The following CLCN7 variants were observed in gnomAD, a reference collection of about 807,000 sequenced individuals.
CLCN7 encodes the protein H(+)/Cl(-) exchange transporter 7.
In CLCN7, 60 loss-of-function variants were observed where a neutral mutation model predicts 102.1. The ratio of observed to expected loss-of-function variants is 0.59; its 90% confidence interval spans 0.48 to 0.73. The LOEUF is 0.73. CLCN7 is among the 30% of genes least tolerant of loss of function. CLCN7 has a pLI of 0.00. For missense variants in CLCN7, 962 were observed against 1,125.7 expected, an observed-to-expected ratio of 0.85 and a Z score of 2.08; for synonymous variants, 560 against 490.5, an observed-to-expected ratio of 1.14 and a Z score of -1.87.
chr16:1,461,035 C>G, intron 4 of CLCN7, 87 bp from the exon 5 acceptor site: 1 of 1,528,928 alleles, frequency 6.5e-7, no homozygotes, highest in Non-Finnish European at 8.8e-7. Context: ...CGCCTGCAGG[C>G]CCCGGGATTA....
intron 1 of CLCN7, chr16:1,474,502 G>C (rs1418331363): frequency 5.9e-6 from 2 of 338,704 alleles, no homozygotes; most frequent in East Asian, 1.7e-4. Flanking sequence ...ACCCCTTTAG[G>C]GCCAGTCTGG....
At position 1,457,594 on chromosome 16, in the gene CLCN7, A is replaced by G. The variant is rs1336992943; in HGVS notation, c.738+100T>C. 1.7e-6 allele frequency: 2 copies of G among 1,210,184 alleles called. No homozygotes were observed. The highest frequency in any genetic ancestry group is 4.8e-5 in the East Asian group (2 of 41,314). The allele number at this position is 1,210,184 out of a possible 1,614,324, so 75.0% of individuals were successfully genotyped here. A position where few individuals can be genotyped will look rare whatever the true frequency, so the allele number is the denominator to read the frequency against. On this transcript the variant is annotated intron_variant, in intron 8 of 24. Transcript: ENST00000382745. This position sits in a 1 kb window ranked among gnomAD's most constrained non-coding sequence, Gnocchi z 5.4. Reference sequence around the variant, plus strand: ...ACGCGTGACGCGGCCCTTCCTGGAGACCAGAAGGACCGGTGCTCAGAGACA... The same window carrying G: ...ACGCGTGACGCGGCCCTTCCTGGAGGCCAGAAGGACCGGTGCTCAGAGACA...
Position 1,457,318 on chromosome 16 carries a change from G to A in CLCN7, c.758C>T (p.Ser253Leu). 1 of 1,613,970 alleles carries A rather than the reference G, an allele frequency of 6.2e-7. No individual in the cohort carries two copies. ...GATCCCGGCGGCAATCACTGAACCTGAGTGGATCATCGGCCCTTCCTGGAG... is the reference window on the plus strand; with the variant it reads ...GATCCCGGCGGCAATCACTGAACCTAAGTGGATCATCGGCCCTTCCTGGAG... ...AVGKEGPMIH[S>L]GSVIAAGISQ... The change falls in exon 9 of 25, where the codon TCA becomes TTA. Residue 253 changes from serine (S) to leucine (L), a missense_variant. Coordinates refer to ENST00000382745, the MANE Select transcript of CLCN7 (RefSeq NM_001287.6). This position sits in a 1 kb window ranked among gnomAD's most constrained non-coding sequence, Gnocchi z 5.4.
Position 1,450,677 on chromosome 16 carries a change from A to AG in CLCN7, c.1448-12dup. The AG allele has an allele frequency of 1.3e-6, 2 of 1,596,214 alleles. No homozygotes were observed. The highest frequency in any genetic ancestry group is 1.7e-6 in the Non-Finnish European group (2 of 1,170,780). ...GGGGGTTGTAGGAGCCTAGGAGAGA[A>AG]GAGGGGCTGACGGGGCCTCCACGAC... On this transcript the variant is annotated splice_polypyrimidine_tract_variant and intron_variant, in intron 16 of 24. Coordinates refer to ENST00000382745, the MANE Select transcript of CLCN7 (RefSeq NM_001287.6).
intron 9 of CLCN7, among the ~76,000 whole-genome samples, chr16:1,456,928 G>A (rs753532477): frequency 6.6e-6 from 1 of 152,018 alleles, no homozygotes; most frequent in Non-Finnish European, 1.5e-5. Context: ...GTGTTCCAAA[G>A]TGTGTCTTGA....
At chr16:1,464,257 C>T (rs2038974890) in intron 2 of CLCN7, among the ~76,000 whole-genome samples, 1 of 152,194 alleles carries the variant, frequency 6.6e-6, no homozygotes, top group Non-Finnish European at 1.5e-5. Flanking sequence ...GCATAACCAA[C>T]ACGCGTGTGG....
At chr16:1,471,068 C>T (rs1004731725) in intron 1 of CLCN7, among the ~76,000 whole-genome samples, 2 of 152,174 alleles carry the variant, frequency 1.3e-5, no homozygotes, top group Admixed American at 1.3e-4. Context: ...TGAGCAGTGA[C>T]TGGCTTGGTC....
intron 24 of CLCN7, 123 bp downstream of exon 24, chr16:1,446,883 T>C: frequency 8.6e-7 from 1 of 1,158,868 alleles, no homozygotes; most frequent in Non-Finnish European, 1.3e-6. Context: ...CCATGGGGCA[T>C]GGGCCGACTC....
At chr16:1,448,151 A>T in intron 21 of CLCN7, 2 of 718,254 alleles carry the variant, frequency 2.8e-6, no homozygotes, top group Non-Finnish European at 4.6e-6. Flanking sequence ...CAACCCCAAG[A>T]CCCTGCCAGG....
chr16:1,469,534 A>C (rs1041543678), intron 1 of CLCN7, among the ~76,000 whole-genome samples: 1 of 151,584 alleles, frequency 6.6e-6, no homozygotes, highest in African/African-American at 2.4e-5. Context: ...AAAAATACAA[A>C]AATTAGCCGG....
rs1467415380 is a variant in CLCN7 at position 1,448,399 on chromosome 16, T to C, written c.1969A>G (p.Asn657Asp). The change falls in exon 21 of 25, where the codon AAT (asparagine) becomes GAT (aspartate). Residue 657 changes from asparagine to aspartate, a missense_variant. By Grantham distance (23) the Asn-to-Asp change is conservative. This residue lies in a region of CLCN7 where 799 missense variants were observed against 988.0 expected (regional missense o/e 0.81). Transcript: ENST00000382745. ...TCCACCACGGGGAAGCCGTTGTGAT[T>C]GGACGCCGTGTCGCTCAGCACGTCC... ...IVDVLSDTAS[N>D]HNGFPVVEHA... 1.2e-6 allele frequency: 2 copies of C among 1,612,742 alleles called. No individual in the cohort carries two copies. Among genetic ancestry groups the C allele is most frequent in the African/African-American group, 1.3e-5 (1 of 75,058 alleles).
chr16:1,450,357 G>T, intron 17 of CLCN7, 140 bp downstream of exon 17: 1 of 873,180 alleles, frequency 1.1e-6, no homozygotes, highest in Non-Finnish European at 1.8e-6. Context: ...CGTGAACCAC[G>T]CGAGGACAAC....
At chr16:1,461,800 G>A in intron 2 of CLCN7, 126 bp from the exon 3 acceptor site, 1 of 832,578 alleles carries the variant, frequency 1.2e-6, no homozygotes, top group Admixed American at 2.0e-5. Flanking sequence ...CAAGAGAACT[G>A]CACATGGGGC....
rs750290163 is a variant in CLCN7 at position 1,461,686 on chromosome 16, A to C, written c.214-12T>G. The C allele has an allele frequency of 6.2e-7, 1 of 1,612,854 alleles. No individual in the cohort carries two copies. Among genetic ancestry groups the C allele is most frequent in the African/African-American group, 1.3e-5 (1 of 74,880 alleles). Reference sequence around the variant, plus strand: ...GGAGGGTCCATATCCTGTGGCAGAAAAAGGCAAAGAGAGAAGCACAGTTGA... The same window carrying C: ...GGAGGGTCCATATCCTGTGGCAGAACAAGGCAAAGAGAGAAGCACAGTTGA... On this transcript the variant is annotated splice_polypyrimidine_tract_variant and intron_variant, in intron 2 of 24. Coordinates refer to ENST00000382745, the MANE Select transcript of CLCN7 (RefSeq NM_001287.6).
chr16:1,468,806 G>A (rs71384100), intron 1 of CLCN7, among the ~76,000 whole-genome samples: 24,127 of 152,038 alleles, frequency 0.16, 2,100 homozygotes, highest in African/African-American at 0.22. Context: ...GCGCTGTTAC[G>A]GAAAGGTAAA....
At chr16:1,456,230 C>A in intron 9 of CLCN7, 24 bp from the exon 10 acceptor site, 1 of 1,545,054 alleles carries the variant, frequency 6.5e-7, no homozygotes. Flanking sequence ...AGACCAGGGT[C>A]GGGGCAGGTT....
At chr16:1,446,763 C>T in intron 24 of CLCN7, 46 bp from the exon 25 acceptor site, 2 of 1,496,360 alleles carry the variant, frequency 1.3e-6, no homozygotes, top group Non-Finnish European at 9.1e-7. Flanking sequence ...TCGGCTCCCG[C>T]CTGCCTGTGG....
rs752873689 is a variant in CLCN7 at position 1,461,050 on chromosome 16, G to A, written c.352-102C>T. 401 of 1,457,548 alleles carry A rather than the reference G, an allele frequency of 2.8e-4. 1 individual carries two copies. In the Middle Eastern group the frequency reaches 3.0e-3, roughly 11 times the overall value. 90.3% of individuals were successfully genotyped at this position (1,457,548 alleles called of 1,614,324 possible). The stretch of plus-strand genomic sequence containing the variant: ...CGCCTGCAGGCCCCGGGATTATGAA[G>A]GGCCCAGTGTGCACGGTGCGCTGAG... On this transcript the variant is annotated intron_variant, in intron 4 of 24. Transcript: ENST00000382745.
chr16:1,468,943 C>A (rs949436176), intron 1 of CLCN7, among the ~76,000 whole-genome samples: 1 of 151,750 alleles, frequency 6.6e-6, no homozygotes, highest in Non-Finnish European at 1.5e-5. Context: ...GTAATCCCAG[C>A]GCTTTCGGAG....
Sources: allele counts gnomAD v4.1 joint callset (sites outside exome capture counted in the v4.1 genomes callset), GRCh38; gene constraint gnomAD v4.1.1; regional missense constraint gnomAD v4.1.1; non-coding constraint Gnocchi (gnomAD v3.1); transcripts MANE v1.5; gene names NCBI Gene and HGNC (gene_info 2026-07-23, HGNC 2026-07-21).